Variants in NAALADL2 observed in about 807,000 individuals in gnomAD.
NAALADL2 encodes N-acetylated alpha-linked acidic dipeptidase like 2.
A neutral mutation model predicts 87.2 loss-of-function variants in NAALADL2; 76 were observed. The observed-to-expected ratio is 0.87, with a 90% CI of 0.72 to 1.05. NAALADL2 has a LOEUF of 1.05. Among genes scored for constraint, NAALADL2 ranks in the 50% least tolerant of loss-of-function variants. NAALADL2 has a pLI of 0.00. For missense variants in NAALADL2, 1,089 were observed against 945.8 expected (o/e 1.15, Z -1.99); for synonymous variants, 354 against 331.0 (o/e 1.07, Z -0.75).
intron 6 of NAALADL2, among the ~76,000 whole-genome samples, chr3:175,450,511 C>A (rs114455948): frequency 0.011 from 1,652 of 152,140 alleles, 25 homozygotes; most frequent in African/African-American, 0.036. Context: ...TCTCTAAAAT[C>A]CAGGCAAAAA....
chr3:174,912,855 T>C (rs938612020), intron 1 of NAALADL2, among the ~76,000 whole-genome samples: 9 of 152,220 alleles, frequency 5.9e-5, no homozygotes, highest in African/African-American at 1.4e-4. Context: ...GGATTATTTA[T>C]GAAAATATTT....
At chr3:175,179,771 T>A (rs929425914) in intron 2 of NAALADL2, among the ~76,000 whole-genome samples, 1 of 152,044 alleles carries the variant, frequency 6.6e-6, no homozygotes, top group Non-Finnish European at 1.5e-5. Flanking sequence ...ATATTTATCA[T>A]GTTTTATTTT....
At chr3:175,363,625 A>T (rs1312710867) in intron 5 of NAALADL2, among the ~76,000 whole-genome samples, 1 of 147,906 alleles carries the variant, frequency 6.8e-6, no homozygotes, top group Non-Finnish European at 1.5e-5. Context: ...ACATGCATGT[A>T]CCTTAATATG....
intron 2 of NAALADL2, among the ~76,000 whole-genome samples, chr3:175,122,305 T>A (rs1483366487): frequency 6.6e-6 from 1 of 151,858 alleles, no homozygotes; most frequent in East Asian, 1.9e-4. Context: ...TGGAAAAGTT[T>A]TATTGTATGA....
intron 4 of NAALADL2, among the ~76,000 whole-genome samples, chr3:175,300,320 G>A (rs1756895217): frequency 6.6e-6 from 1 of 152,162 alleles, no homozygotes; most frequent in African/African-American, 2.4e-5. Context: ...AGTTAGGGAG[G>A]ATTCCCTCTT....
chr3:174,680,127 CTT>C (rs1216349497), intron 2 of NAALADL2, among the ~76,000 whole-genome samples: 7 of 147,696 alleles, frequency 4.7e-5, no homozygotes, highest in Admixed American at 6.9e-5. Context: ...TTAAAAAACA[CTT>C]TTAGCAATTT....
intron 1 of NAALADL2, among the ~76,000 whole-genome samples, chr3:174,924,238 T>A (rs928030152): frequency 9.0e-6 from 1 of 111,000 alleles, no homozygotes; most frequent in Non-Finnish European, 1.7e-5. Context: ...CAGGCCCCGG[T>A]GCGTGATGTC....
chr3:175,138,506 G>A (rs913094640), intron 2 of NAALADL2, among the ~76,000 whole-genome samples: 19 of 151,814 alleles, frequency 1.3e-4, no homozygotes, highest in African/African-American at 4.4e-4. Flanking sequence ...TTTGTCCCTG[G>A]ATGGGACACC....
At chr3:175,030,236 A>T (rs1395336145) in intron 1 of NAALADL2, among the ~76,000 whole-genome samples, 2 of 152,128 alleles carry the variant, frequency 1.3e-5, no homozygotes, top group Non-Finnish European at 2.9e-5. Flanking sequence ...TTCCTCTGAT[A>T]TAACAATGTG....
chr3:175,625,600 T>C (rs1726873732), intron 10 of NAALADL2, among the ~76,000 whole-genome samples: 2 of 152,004 alleles, frequency 1.3e-5, no homozygotes. Context: ...AAATGATCTT[T>C]GTTAACATAA....
chr3:174,568,427 T>C (rs574690014), intron 2 of NAALADL2, among the ~76,000 whole-genome samples: 3 of 151,898 alleles, frequency 2.0e-5, no homozygotes, highest in East Asian at 3.9e-4. Flanking sequence ...CCATGAAATA[T>C]GGTTCCTGTC....
At chr3:174,814,105 ATTTTTATTTATTTAT>A (rs757178029) in intron 3 of NAALADL2, among the ~76,000 whole-genome samples, 13 of 151,496 alleles carry the variant, frequency 8.6e-5, no homozygotes, top group Non-Finnish European at 1.6e-4. Flanking sequence ...TTATTTATTT[ATTTTTATTTATTTAT>A]TTTTTTGAGA....
intron 11 of NAALADL2, among the ~76,000 whole-genome samples, chr3:175,645,442 G>C (rs1729869086): frequency 6.6e-6 from 1 of 152,130 alleles, no homozygotes; most frequent in Non-Finnish European, 1.5e-5. Context: ...GGCTTTGAAG[G>C]AAAGTTTAGA....
chr3:174,448,233 C>T (rs1269579591), intron 1 of NAALADL2, among the ~76,000 whole-genome samples: 2 of 152,154 alleles, frequency 1.3e-5, no homozygotes, highest in African/African-American at 4.8e-5. Flanking sequence ...ATCTTCCTAA[C>T]CACAGTACAA....
chr3:174,895,207 G>T (rs1731356503), intron 1 of NAALADL2, among the ~76,000 whole-genome samples: 1 of 151,744 alleles, frequency 6.6e-6, no homozygotes, highest in Non-Finnish European at 1.5e-5. Context: ...GAATTAAAAT[G>T]AAATAAACAA....
At chr3:175,164,400 A>G (rs964183029) in intron 2 of NAALADL2, among the ~76,000 whole-genome samples, 1 of 151,984 alleles carries the variant, frequency 6.6e-6, no homozygotes, top group Non-Finnish European at 1.5e-5. Context: ...TTCTCTTCCC[A>G]TTCTTTCCCT....
intron 5 of NAALADL2, among the ~76,000 whole-genome samples, chr3:175,377,323 C>T (rs1767253523): frequency 6.6e-6 from 1 of 151,998 alleles, no homozygotes; most frequent in Non-Finnish European, 1.5e-5. Context: ...AAAACAAAAA[C>T]AAAAAAATCA....
At chr3:174,690,161 T>C (rs1728430968) in intron 2 of NAALADL2, among the ~76,000 whole-genome samples, 1 of 152,198 alleles carries the variant, frequency 6.6e-6, no homozygotes, top group South Asian at 2.1e-4. Flanking sequence ...TTAAATTATT[T>C]AAACAGATCA....
chr3:174,922,973 T>C (rs1735456361), intron 1 of NAALADL2, among the ~76,000 whole-genome samples: 2 of 152,170 alleles, frequency 1.3e-5, no homozygotes, highest in African/African-American at 4.8e-5. Flanking sequence ...CCCTTGTTCA[T>C]TAGAAAGTAT....
Sources: allele counts gnomAD v4.1 joint callset (sites outside exome capture counted in the v4.1 genomes callset), GRCh38; gene constraint gnomAD v4.1.1; transcripts MANE v1.5; gene names NCBI Gene and HGNC (gene_info 2026-07-23, HGNC 2026-07-21).